The following STK31 variants were observed in gnomAD, a reference collection of about 807,000 sequenced individuals.
The protein encoded by STK31 is serine/threonine kinase 31, also known as serine/threonine-protein kinase 31.
A neutral mutation model predicts 129.7 loss-of-function variants in STK31; 89 were observed. The ratio of observed to expected loss-of-function variants is 0.69; its 90% CI spans 0.58 to 0.82. STK31 has a LOEUF of 0.82. Ranked by LOEUF, STK31 falls within the 40% of genes least tolerant of loss-of-function variation. The pLI, the probability that STK31 is intolerant of heterozygous loss-of-function variation, is 0.00. For synonymous variants in STK31, 448 were observed against 395.3 expected (o/e 1.13, Z -1.58); for missense variants, 1,187 against 1,176.4 (o/e 1.01, Z -0.13).
At chr7:23,824,036 C>T (rs1793954800) in intron 23 of STK31, among the ~76,000 whole-genome samples, 1 of 152,154 alleles carries the variant, frequency 6.6e-6, no homozygotes, top group Admixed American at 6.5e-5. Flanking sequence ...TAGCGTGATG[C>T]CTCCAGCTTT....
At chr7:23,829,569 G>T (rs748221622) in intron 23 of STK31, among the ~76,000 whole-genome samples, 1 of 152,188 alleles carries the variant, frequency 6.6e-6, no homozygotes, top group Non-Finnish European at 1.5e-5. Flanking sequence ...GTTCATCAGG[G>T]ATACTGGTCT....
At chr7:23,822,250 A>G (rs951139060) in intron 23 of STK31, among the ~76,000 whole-genome samples, 15 of 152,146 alleles carry the variant, frequency 9.9e-5, no homozygotes, top group African/African-American at 3.6e-4. Context: ...AACAATACTA[A>G]TCTTCTGATC....
At chr7:23,815,475 C>T (rs573319009) in intron 23 of STK31, among the ~76,000 whole-genome samples, 23 of 152,142 alleles carry the variant, frequency 1.5e-4, no homozygotes, top group Admixed American at 1.4e-3. Flanking sequence ...GTTTCAAGAT[C>T]ATATTATAGT....
chr7:23,732,551 T>C (rs918821293), intron 6 of STK31, among the ~76,000 whole-genome samples: 1 of 152,184 alleles, frequency 6.6e-6, no homozygotes, highest in African/African-American at 2.4e-5. Context: ...TTATATATGA[T>C]TCAGGGAGAA....
rs60631283 is a variant in STK31, at chr7:23,808,970, T to TGTGTGTGTGTGTGTGTGTGTGCGC, written c.2761-6173_2761-6172insTGTGTGTGTGTGTGTGTGTGCGCG. ...GTGTGTGTGTGTGTGTGTGTGTGTG[T>TGTGTGTGTGTGTGTGTGTGTGCGC]GCCTGTGTCTGTTGGCATTTCTGGG... On this transcript the variant is annotated intron_variant, in intron 22 of 23. Transcript: ENST00000355870. 5.0e-3 allele frequency among the ~76,000 whole-genome samples: 702 copies of TGTGTGTGTGTGTGTGTGTGTGCGC among 139,632 alleles called. 3 individuals are homozygous for TGTGTGTGTGTGTGTGTGTGTGCGC. Among genetic ancestry groups the TGTGTGTGTGTGTGTGTGTGTGCGC allele is most frequent in the Non-Finnish European group, 8.0e-3 (514 of 64,384 alleles). The allele number at this position is 139,632 out of a possible 152,430, so 91.6% of individuals were successfully genotyped here.
chr7:23,828,312 C>T (rs1794306212), intron 23 of STK31, among the ~76,000 whole-genome samples: 1 of 152,254 alleles, frequency 6.6e-6, no homozygotes, highest in African/African-American at 2.4e-5. Flanking sequence ...CCTCCCCCAG[C>T]CTCGCTGCCG....
intron 22 of STK31, among the ~76,000 whole-genome samples, chr7:23,810,112 T>C (rs989125660): frequency 6.6e-6 from 1 of 152,198 alleles, no homozygotes; most frequent in African/African-American, 2.4e-5. Context: ...AGGATTGTTA[T>C]GTCCTCTTAG....
chr7:23,714,204 C>T (rs1306629084), intron 3 of STK31, among the ~76,000 whole-genome samples: 1 of 152,116 alleles, frequency 6.6e-6, no homozygotes, highest in Non-Finnish European at 1.5e-5. Flanking sequence ...GGGGCAAATT[C>T]GTGTGTCTGC....
chr7:23,805,682 A>C (rs955963913), intron 22 of STK31, among the ~76,000 whole-genome samples: 2 of 151,956 alleles, frequency 1.3e-5, no homozygotes, highest in Admixed American at 6.6e-5. Flanking sequence ...ATGGGGTTTC[A>C]CCATGTTGCC....
At chr7:23,804,573 C>G (rs1792577864) in intron 22 of STK31, among the ~76,000 whole-genome samples, 1 of 152,096 alleles carries the variant, frequency 6.6e-6, no homozygotes, top group South Asian at 2.1e-4. Context: ...TCATTTTATT[C>G]TTTAAAACCT....
intron 4 of STK31, among the ~76,000 whole-genome samples, chr7:23,718,155 C>T (rs1786463169): frequency 1.3e-5 from 2 of 152,118 alleles, no homozygotes; most frequent in African/African-American, 4.8e-5. Context: ...AAAAGCTACA[C>T]TATTCTAGCC....
At chr7:23,802,124 G>C (rs1024916325) in intron 22 of STK31, among the ~76,000 whole-genome samples, 1 of 152,122 alleles carries the variant, frequency 6.6e-6, no homozygotes, top group Non-Finnish European at 1.5e-5. Flanking sequence ...TAAGTTTATT[G>C]AACCTGAGGG....
intron 20 of STK31, among the ~76,000 whole-genome samples, chr7:23,787,130 G>A (rs541622160): frequency 6.6e-6 from 1 of 152,236 alleles, no homozygotes; most frequent in East Asian, 1.9e-4. Context: ...ACTTGCACAG[G>A]GTCCGTTAGC....
At chr7:23,753,132 C>T (rs1788820552) in intron 9 of STK31, among the ~76,000 whole-genome samples, 1 of 152,156 alleles carries the variant, frequency 6.6e-6, no homozygotes, top group African/African-American at 2.4e-5. Context: ...AGTTATTTTG[C>T]TTGGGGTTAT....
intron 22 of STK31, among the ~76,000 whole-genome samples, chr7:23,793,515 T>A (rs1039003600): frequency 6.6e-6 from 1 of 152,182 alleles, no homozygotes; most frequent in African/African-American, 2.4e-5. Flanking sequence ...TATATCCAGA[T>A]TATCAAGAGC....
At chr7:23,756,877 C>A (rs754981571) in intron 10 of STK31, among the ~76,000 whole-genome samples, 1 of 151,988 alleles carries the variant, frequency 6.6e-6, no homozygotes, top group Non-Finnish European at 1.5e-5. Flanking sequence ...TGATGTGCTG[C>A]GGGATTCGGT....
At chr7:23,829,577 T>C (rs894982573) in intron 23 of STK31, among the ~76,000 whole-genome samples, 6 of 152,208 alleles carry the variant, frequency 3.9e-5, no homozygotes, top group African/African-American at 1.2e-4. Context: ...GGGATACTGG[T>C]CTATAGTTTT....
chr7:23,800,804 C>G (rs901666077), intron 22 of STK31, among the ~76,000 whole-genome samples: 16 of 151,464 alleles, frequency 1.1e-4, no homozygotes, highest in African/African-American at 3.9e-4. Flanking sequence ...TTAGTGGTAT[C>G]ATACAGTATA....
intron 5 of STK31, 158 bp downstream of exon 5, chr7:23,727,473 T>C (rs1787153724): frequency 1.6e-6 from 1 of 621,732 alleles, no homozygotes; most frequent in Admixed American, 2.9e-5. Context: ...AAACATGTTG[T>C]TTTATAATCA....
Sources: gnomAD v4.1 joint callset for allele counts (sites outside exome capture counted in the v4.1 genomes callset) on GRCh38, gnomAD v4.1.1 for gene constraint, MANE v1.5 for transcripts, NCBI Gene and HGNC (gene_info 2026-07-23, HGNC 2026-07-21) for gene names.